The following TTLL11 variants were observed in gnomAD, a reference collection of about 807,000 sequenced individuals.
TTLL11 encodes the protein tubulin tyrosine ligase like 11, also known as tubulin polyglutamylase TTLL11.
In TTLL11, 42 loss-of-function variants were observed where a neutral mutation model predicts 51.7. The ratio of observed to expected loss-of-function variants is 0.81; its 90% CI spans 0.64 to 1.05. The LOEUF (loss-of-function observed/expected upper bound fraction) is 1.05, where lower values mean the gene tolerates loss of function less well. Among genes scored for constraint, TTLL11 ranks in the 50% least tolerant of loss-of-function variants. The pLI is 0.00. For synonymous variants in TTLL11, 381 were observed against 383.5 expected (o/e 0.99, Z 0.08); for missense variants, 799 against 940.4 (o/e 0.85, Z 1.97).
chr9:121,997,379 G>A (rs1843307418), intron 3 of TTLL11, among the ~76,000 whole-genome samples: 1 of 151,998 alleles, frequency 6.6e-6, no homozygotes, highest in South Asian at 2.1e-4. Flanking sequence ...TCCCCACAGT[G>A]CAGTCCCAGC....
At chr9:122,000,583 T>C (rs1271318200) in intron 3 of TTLL11, among the ~76,000 whole-genome samples, 1 of 146,924 alleles carries the variant, frequency 6.8e-6, no homozygotes, top group Admixed American at 6.8e-5. Context: ...CCTCTGGTCA[T>C]CCTCACTGCT....
chr9:121,878,876 C>T (rs1259196908), intron 6 of TTLL11, among the ~76,000 whole-genome samples: 1 of 152,188 alleles, frequency 6.6e-6, no homozygotes, highest in African/African-American at 2.4e-5. Context: ...AGGAGGGGTG[C>T]TCCAGTCGCC....
chr9:121,866,923 C>A (rs1219020786), intron 7 of TTLL11, among the ~76,000 whole-genome samples: 1 of 152,120 alleles, frequency 6.6e-6, no homozygotes, highest in African/African-American at 2.4e-5. Flanking sequence ...ACCTAATAGT[C>A]CCTAATGTCA....
At chr9:122,001,520 G>C (rs1160586552) in intron 3 of TTLL11, among the ~76,000 whole-genome samples, 1 of 149,592 alleles carries the variant, frequency 6.7e-6, no homozygotes, top group Non-Finnish European at 1.5e-5. Flanking sequence ...ATCATGAAGG[G>C]GGAAGGGGGG....
At chr9:122,058,707 A>AT (rs1845360316) in intron 1 of TTLL11, among the ~76,000 whole-genome samples, 1 of 152,100 alleles carries the variant, frequency 6.6e-6, no homozygotes, top group Admixed American at 6.5e-5. Context: ...AAATCTTCTC[A>AT]TTTTTCACAG....
intron 3 of TTLL11, among the ~76,000 whole-genome samples, chr9:122,008,915 G>A (rs950497880): frequency 4.6e-5 from 7 of 152,232 alleles, no homozygotes; most frequent in African/African-American, 1.7e-4. Context: ...CCTGAAGGAC[G>A]TTAAGCGAAA....
At chr9:121,925,042 G>A (rs2131534159) in intron 6 of TTLL11, among the ~76,000 whole-genome samples, 1 of 152,214 alleles carries the variant, frequency 6.6e-6, no homozygotes, top group South Asian at 2.1e-4. Context: ...TCCTGATGGC[G>A]AGGAGAACAG....
chr9:122,018,102 A>C (rs1844044819), intron 3 of TTLL11, among the ~76,000 whole-genome samples: 1 of 146,642 alleles, frequency 6.8e-6, no homozygotes, highest in Admixed American at 6.9e-5. Flanking sequence ...CTAAAATAAT[A>C]ATGCCACTTT....
chr9:122,039,590 T>C (rs932091077), intron 1 of TTLL11, among the ~76,000 whole-genome samples: 2 of 152,214 alleles, frequency 1.3e-5, no homozygotes, highest in Non-Finnish European at 2.9e-5. Context: ...TGATTACATG[T>C]GGCAGATACT....
chr9:122,092,851 A>T lies in TTLL11; in HGVS notation c.298T>A (p.Cys100Ser). The part of the protein sequence containing the change: ...PSKPKPVQGL[C>S]PHGKPRDKGR... ...TTGTCCCGGGGCTTCCCGTGCGGGC[A>T]GAGGCCCTGCACCGGCTTCGGCTTG... is the stretch of plus-strand genomic sequence containing the variant. Residue 100 changes from cysteine (C) to serine (S), a missense_variant, in exon 1 of 9, where the codon TGC (cysteine) becomes AGC (serine). This residue lies in a region of TTLL11 where 166 missense variants were observed against 161.6 expected (regional missense o/e 1.03). Transcript: ENST00000321582. 6.4e-7 allele frequency: 1 copy of T among 1,569,986 alleles called. No homozygotes were observed. Among genetic ancestry groups the T allele is most frequent in the East Asian group, 2.3e-5 (1 of 42,740 alleles).
chr9:122,039,492 AT>A, intron 1 of TTLL11, 124 bp from the exon 2 acceptor site: 1 of 650,030 alleles, frequency 1.5e-6, no homozygotes, highest in Non-Finnish European at 2.7e-6. Flanking sequence ...TATAATACGC[AT>A]ATGAGGTAAG....
At chr9:121,927,036 C>G (rs1769463937) in intron 6 of TTLL11, among the ~76,000 whole-genome samples, 1 of 152,176 alleles carries the variant, frequency 6.6e-6, no homozygotes, top group Non-Finnish European at 1.5e-5. Context: ...AGGTTCCACC[C>G]CCATGACCTA....
chr9:122,006,003 A>T (rs554452986), intron 3 of TTLL11, among the ~76,000 whole-genome samples: 1 of 152,230 alleles, frequency 6.6e-6, no homozygotes, highest in East Asian at 1.9e-4. Flanking sequence ...GTGTTTTTAC[A>T]AGGTTCAAAC....
chr9:122,009,139 G>T (rs2131743850), intron 3 of TTLL11, among the ~76,000 whole-genome samples: 2 of 152,226 alleles, frequency 1.3e-5, no homozygotes, highest in East Asian at 3.9e-4. Flanking sequence ...TAATAACAAT[G>T]TATTGTATTC....
chr9:121,843,468 T>G (rs899978482), intron 8 of TTLL11, among the ~76,000 whole-genome samples: 1 of 151,872 alleles, frequency 6.6e-6, no homozygotes, highest in African/African-American at 2.4e-5. Flanking sequence ...TAAAAACGCC[T>G]GGGGGCCAGT....
At chr9:121,850,975 T>C (rs1837650827) in intron 8 of TTLL11, among the ~76,000 whole-genome samples, 1 of 152,166 alleles carries the variant, frequency 6.6e-6, no homozygotes, top group Non-Finnish European at 1.5e-5. Context: ...ACGAACAAAC[T>C]GTGGCATATC....
intron 6 of TTLL11, among the ~76,000 whole-genome samples, chr9:121,896,068 G>T (rs72764097): frequency 0.32 from 48,895 of 150,678 alleles, 8,577 homozygotes; most frequent in East Asian, 0.5. Context: ...GTGTGTCATT[G>T]TATCTGTGTG....
chr9:122,083,890 A>C lies in TTLL11; in HGVS notation c.462+8797T>G, dbSNP rs561591412. ...CCTCTCAGAAGTGGAATTAGAGGGG[A>C]GGATGGAAAGGGAGGGGGATGGGGT... On this transcript the variant is annotated intron_variant, in intron 1 of 8. Coordinates refer to ENST00000321582, the MANE Select transcript of TTLL11 (RefSeq NM_001139442.2). Among the ~76,000 whole-genome samples the C allele has an allele frequency of 5.3e-5, 8 of 152,134 alleles. No homozygotes were observed. In the South Asian group the frequency reaches 1.7e-3, roughly 32 times the overall value.
At chr9:121,867,925 A>C (rs866285026) in intron 7 of TTLL11, among the ~76,000 whole-genome samples, 2 of 152,212 alleles carry the variant, frequency 1.3e-5, no homozygotes, top group African/African-American at 4.8e-5. Context: ...GCTCAGGAAC[A>C]GTCGTTAGGT....
Sources: allele counts gnomAD v4.1 joint callset (sites outside exome capture counted in the v4.1 genomes callset), GRCh38; gene constraint gnomAD v4.1.1; regional missense constraint gnomAD v4.1.1; transcripts MANE v1.5; gene names NCBI Gene and HGNC (gene_info 2026-07-23, HGNC 2026-07-21).